Variants in EXOC4 observed in about 807,000 individuals in gnomAD.
EXOC4 encodes exocyst complex component 4.
Under a neutral mutation model 107.2 loss-of-function variants are expected in EXOC4, and 71 were observed. The ratio of observed to expected loss-of-function variants is 0.66; its 90% confidence interval spans 0.55 to 0.81. The LOEUF (loss-of-function observed/expected upper bound fraction) is 0.81. EXOC4 is among the 30% of genes least tolerant of loss of function. The pLI is 0.00. For synonymous variants in EXOC4, 456 were observed against 441.2 expected (o/e 1.03, Z -0.42); for missense variants, 1,108 against 1,189.6 (o/e 0.93, Z 1.01).
chr7:134,100,941 TA>T, the EXOC4 span, among the ~76,000 whole-genome samples: 818 of 114,088 alleles, frequency 7.2e-3, 78 homozygotes, highest in Middle Eastern at 0.031. Flanking sequence ...AGACTCCATC[TA>T]AAAAAAAAAA....
chr7:133,399,432 T>C (rs892777457), intron 7 of EXOC4, among the ~76,000 whole-genome samples: 1 of 152,232 alleles, frequency 6.6e-6, no homozygotes, highest in Admixed American at 6.5e-5. Flanking sequence ...CACTCGTTCA[T>C]TGAATCTCGA....
intron 16 of EXOC4, 103 bp downstream of exon 16, chr7:134,005,193 T>TTTGC (rs756766997): frequency 2.4e-6 from 3 of 1,233,186 alleles, no homozygotes; most frequent in South Asian, 1.5e-5. Flanking sequence ...AAAAGAGTTG[T>TTTGC]TTGCTTGCTT....
rs141955494 is a variant in EXOC4, at chr7:133,563,548, C to T, written c.1418-66497C>T. ...AGATCCCAAAGACAAGGATGCTTAT[C>T]TGTTAAAGCCTTTTCCTCCAAGCAC... On this transcript the variant is annotated intron_variant, in intron 9 of 17. Coordinates refer to ENST00000253861, the MANE Select transcript of EXOC4 (RefSeq NM_021807.4). Among the ~76,000 whole-genome samples the T allele has an allele frequency of 2.3e-3, 348 of 152,310 alleles. 2 individuals carry two copies. Among genetic ancestry groups the T allele is most frequent in the African/African-American group, 7.6e-3 (316 of 41,570 alleles).
chr7:133,615,086 G>A (rs1056722423), intron 9 of EXOC4, among the ~76,000 whole-genome samples: 1 of 152,138 alleles, frequency 6.6e-6, no homozygotes, highest in Non-Finnish European at 1.5e-5. Context: ...TGAAACTAAA[G>A]CAAACAGTTG....
intron 1 of EXOC4, among the ~76,000 whole-genome samples, chr7:133,270,920 C>CT (rs34668596): frequency 0.3 from 40,495 of 136,204 alleles, 6,327 homozygotes; most frequent in South Asian, 0.38. Flanking sequence ...TCATGCTTTG[C>CT]TTTTTTTTTT....
At chr7:133,574,410 T>G (rs1585006582) in intron 9 of EXOC4, among the ~76,000 whole-genome samples, 1 of 152,260 alleles carries the variant, frequency 6.6e-6, no homozygotes, top group African/African-American at 2.4e-5. Context: ...CTAAGGGGTT[T>G]GCTTCTTGAG....
chr7:133,986,609 C>T (rs995792608), intron 14 of EXOC4, among the ~76,000 whole-genome samples: 6 of 152,170 alleles, frequency 3.9e-5, no homozygotes, highest in Non-Finnish European at 8.8e-5. Flanking sequence ...TGTACTTTAG[C>T]ATGTGAAGAT....
intron 14 of EXOC4, among the ~76,000 whole-genome samples, chr7:133,967,042 G>A (rs1801087319): frequency 6.6e-6 from 1 of 152,042 alleles, no homozygotes; most frequent in South Asian, 2.1e-4. Context: ...CTTCTTCCTG[G>A]TTTAGTCTTG....
At chr7:133,510,932 G>A (rs1253849201) in intron 9 of EXOC4, among the ~76,000 whole-genome samples, 4 of 151,928 alleles carry the variant, frequency 2.6e-5, no homozygotes, top group Non-Finnish European at 5.9e-5. Flanking sequence ...GTAGTGTGCC[G>A]GTACATAATA....
In EXOC4 at chr7:133,849,249, C is replaced by T. The variant is rs1159564830; in HGVS notation, c.1734+31705C>T. Among the ~76,000 whole-genome samples, 3 of 152,074 alleles carry T rather than the reference C, an allele frequency of 2.0e-5. No individual in the cohort carries two copies. The East Asian group carries it at 5.8e-4, about 29-fold the overall frequency. On this transcript the variant is annotated intron_variant, in intron 11 of 17. Transcript: ENST00000253861. ...CAGCCTGGGCAGCATAGCAAGACCTCCATTTCTACAAAGAAATTCAATTAG... is the reference window on the plus strand; with the variant it reads ...CAGCCTGGGCAGCATAGCAAGACCTTCATTTCTACAAAGAAATTCAATTAG...
At chr7:133,516,605 T>C (rs1191008413) in intron 9 of EXOC4, among the ~76,000 whole-genome samples, 2 of 152,048 alleles carry the variant, frequency 1.3e-5, no homozygotes, top group Admixed American at 6.6e-5. Context: ...TTTTTTCCAA[T>C]TTTTGGGTAC....
intron 14 of EXOC4, among the ~76,000 whole-genome samples, chr7:133,967,548 A>C (rs936986487): frequency 6.6e-6 from 1 of 152,164 alleles, no homozygotes; most frequent in African/African-American, 2.4e-5. Flanking sequence ...CATTGGTTTC[A>C]AAGAACGTAT....
intron 9 of EXOC4, among the ~76,000 whole-genome samples, chr7:133,589,651 C>T (rs1801492881): frequency 6.6e-6 from 1 of 152,136 alleles, no homozygotes; most frequent in Non-Finnish European, 1.5e-5. Flanking sequence ...GTAAGCTGAA[C>T]CAGATGGGAT....
intron 17 of EXOC4, among the ~76,000 whole-genome samples, chr7:134,039,318 G>A (rs753463667): frequency 5.3e-5 from 8 of 151,954 alleles, no homozygotes; most frequent in Non-Finnish European, 1.2e-4. Context: ...AAAGCTTCAG[G>A]GAGTCCATAA....
In EXOC4 at chr7:133,655,064, G is replaced by A. The variant is rs59902753; in HGVS notation, c.1514+24923G>A. 3.4e-3 allele frequency among the ~76,000 whole-genome samples: 511 copies of A among 152,178 alleles called. 7 individuals are homozygous for A. Among genetic ancestry groups the A allele is most frequent in the African/African-American group, 0.012 (501 of 41,524 alleles). On this transcript the variant is annotated intron_variant, in intron 10 of 17. Coordinates refer to ENST00000253861, the MANE Select transcript of EXOC4 (RefSeq NM_021807.4). Reference sequence around the variant, plus strand: ...GAATGTGAAGGTCTAGGATATTACTGAACAGTATTGTAACTTTGTAAACAC... The same window carrying A: ...GAATGTGAAGGTCTAGGATATTACTAAACAGTATTGTAACTTTGTAAACAC...
At chr7:133,669,747 A>T (rs1017630191) in intron 10 of EXOC4, among the ~76,000 whole-genome samples, 2 of 152,234 alleles carry the variant, frequency 1.3e-5, no homozygotes, top group African/African-American at 4.8e-5. Flanking sequence ...GGGCTGAAAC[A>T]TGAAATAAAT....
intron 14 of EXOC4, among the ~76,000 whole-genome samples, chr7:133,967,403 C>A (rs1801096392): frequency 6.6e-6 from 1 of 152,054 alleles, no homozygotes; most frequent in Non-Finnish European, 1.5e-5. Context: ...TTCTCTAGTT[C>A]TTTTAATTGT....
At chr7:133,959,524 A>G (rs1800893140) in intron 14 of EXOC4, among the ~76,000 whole-genome samples, 6 of 151,816 alleles carry the variant, frequency 4.0e-5, no homozygotes, top group African/African-American at 1.4e-4. Context: ...CTACAGAGAA[A>G]AAAAGGAGAG....
rs1161155238 is a variant in EXOC4 at position 133,608,546 on chromosome 7, C to CTTTTTT, written c.1418-21481_1418-21476dup. ...TATCTGAAGTAAATATGCTGTATTT[C>CTTTTTT]TTTTTTTTTTTTTTTTTTTTTTTGG... On this transcript the variant is annotated intron_variant, in intron 9 of 17. Coordinates refer to ENST00000253861, the MANE Select transcript of EXOC4 (RefSeq NM_021807.4). Among the ~76,000 whole-genome samples, 19 of 85,016 alleles carry CTTTTTT rather than the reference C, an allele frequency of 2.2e-4. 1 individual carries two copies. The highest frequency in any genetic ancestry group is 7.5e-4 in the East Asian group (2 of 2,650). 55.8% of individuals were successfully genotyped at this position (85,016 alleles called of 152,430 possible).
Sources: allele counts gnomAD v4.1 joint callset (sites outside exome capture counted in the v4.1 genomes callset), GRCh38; gene constraint gnomAD v4.1.1; transcripts MANE v1.5; gene names NCBI Gene and HGNC (gene_info 2026-07-23, HGNC 2026-07-21).